CELSR1: variants seen among roughly 807,000 people sequenced by gnomAD.
The protein encoded by CELSR1 is cadherin EGF LAG seven-pass G-type receptor 1, also known as adhesion G protein-coupled receptor C1.
A neutral mutation model predicts 249.1 loss-of-function variants in CELSR1; 110 were observed. That is an observed-to-expected ratio of 0.44 (90% CI 0.38 to 0.52). The LOEUF (loss-of-function observed/expected upper bound fraction) is 0.52. CELSR1 is among the 20% of genes least tolerant of loss of function. The pLI is 0.00. For missense variants in CELSR1, 4,109 were observed against 4,296.4 expected, an observed-to-expected ratio of 0.96 and a Z score of 1.22; for synonymous variants, 2,113 against 1,900.0, an observed-to-expected ratio of 1.11 and a Z score of -2.92.
At chr22:46,505,218 C>T (rs1265441791) in intron 1 of CELSR1, among the ~76,000 whole-genome samples, 5 of 138,282 alleles carry the variant, frequency 3.6e-5, no homozygotes, top group African/African-American at 1.1e-4. Context: ...GCCGAGATGG[C>T]GCCACTGCAC....
Position 46,447,402 on chromosome 22 carries a change from C to T in CELSR1, c.4184-7991G>A, listed in dbSNP as rs1410167848. Among the ~76,000 whole-genome samples the T allele has an allele frequency of 6.6e-6, 1 of 152,106 alleles. No homozygotes were observed. The highest frequency in any genetic ancestry group is 2.4e-5 in the African/African-American group (1 of 41,404). On this transcript the variant is annotated intron_variant, in intron 2 of 34. Transcript: ENST00000674500. The surrounding 1 kb of genome is among the most constrained non-coding windows in gnomAD (Gnocchi z 4.7). The stretch of plus-strand genomic sequence containing the variant: ...CAAAATAAATTTGATGTTCTCCTTA[C>T]ACCCTAGGATTCTGCTTGGAGTCAA...
Position 46,410,565 on chromosome 22 carries a change from G to C in CELSR1, c.4770-4C>G, listed in dbSNP as rs376689778. 6.2e-6 allele frequency: 10 copies of C among 1,611,904 alleles called. No homozygotes were observed. In the African/African-American group the frequency reaches 1.2e-4, roughly 19 times the overall value. On this transcript the variant is annotated splice_region_variant and splice_polypyrimidine_tract_variant and intron_variant, in intron 6 of 34. Transcript: ENST00000674500. The surrounding 1 kb of genome is among the most constrained non-coding windows in gnomAD (Gnocchi z 6.8). ...AGGGCCGGTCAGATCCAGGGACCTG[G>C]GTAGGTAAAGCCATCTTCTGTGACG...
intron 18 of CELSR1, among the ~76,000 whole-genome samples, chr22:46,388,619 C>T (rs949763066): frequency 2.6e-5 from 4 of 152,194 alleles, no homozygotes; most frequent in Non-Finnish European, 5.9e-5. Context: ...TCTGTGTGGA[C>T]AGGCACTCCT....
rs1330642475 is a variant in CELSR1 at position 46,447,161 on chromosome 22, C to T, written c.4184-7750G>A. Among the ~76,000 whole-genome samples the T allele has an allele frequency of 1.3e-5, 2 of 152,148 alleles. No individual in the cohort carries two copies. The highest frequency in any genetic ancestry group is 6.5e-5 in the Admixed American group (1 of 15,282). ...AATTGGCGGCATTTGTAAACACTCC[C>T]ACCAAGGCTGAGTTGAAAAGAGATG... On this transcript the variant is annotated intron_variant, in intron 2 of 34. Transcript: ENST00000674500. This position sits in a 1 kb window ranked among gnomAD's most constrained non-coding sequence, Gnocchi z 4.7.
intron 20 of CELSR1, 42 bp from the exon 21 acceptor site, chr22:46,382,092 TG>T (rs1435505015): frequency 6.8e-7 from 1 of 1,461,074 alleles, no homozygotes; most frequent in African/African-American, 1.4e-5. Context: ...CAGGAGCACC[TG>T]TGTTCCCCAA....
Position 46,390,527 on chromosome 22 carries a change from C to T in CELSR1, c.6251-41G>A. On this transcript the variant is annotated intron_variant, in intron 16 of 34. Coordinates refer to ENST00000674500, the MANE Select transcript of CELSR1 (RefSeq NM_001378328.1). This position sits in a 1 kb window ranked among gnomAD's most constrained non-coding sequence, Gnocchi z 6.3. ...AGGTGTGCAAAGCCTGAAACTCAAA[C>T]TGTTGATCAATGCTTGTGTATTTCA... The T allele has an allele frequency of 1.4e-6, 2 of 1,478,146 alleles. No homozygotes were observed. Among genetic ancestry groups the T allele is most frequent in the Non-Finnish European group, 1.9e-6 (2 of 1,061,736 alleles). The allele number at this position is 1,478,146 out of a possible 1,614,324, so 91.6% of individuals were successfully genotyped here.
intron 5 of CELSR1, among the ~76,000 whole-genome samples, chr22:46,422,167 A>G (rs2147380470): frequency 6.6e-6 from 1 of 152,124 alleles, no homozygotes; most frequent in South Asian, 2.1e-4. Flanking sequence ...GTGCAGTGGC[A>G]CGGTCTTGGC....
rs1439113594 is a variant in CELSR1, at chr22:46,407,519, C to CA, written c.5226+1476_5226+1477insT. Among the ~76,000 whole-genome samples, 1 of 152,130 alleles carries CA rather than the reference C, an allele frequency of 6.6e-6. No individual in the cohort carries two copies. The highest frequency in any genetic ancestry group is 6.5e-5 in the Admixed American group (1 of 15,278). ...TGGTGGTGAGCTCCTGTAATCCCAA[C>CA]TACAATGGAGGCTGAGGCAGGAGAA... On this transcript the variant is annotated intron_variant, in intron 9 of 34. Transcript: ENST00000674500. This position sits in a 1 kb window ranked among gnomAD's most constrained non-coding sequence, Gnocchi z 4.8.
intron 1 of CELSR1, among the ~76,000 whole-genome samples, chr22:46,501,056 CAG>C (rs1410436660): frequency 6.6e-6 from 1 of 151,668 alleles, no homozygotes; most frequent in Non-Finnish European, 1.5e-5. Context: ...TTTATTGAGA[CAG>C]AGTCTTGCTC....
rs8142135 is a variant in CELSR1 at position 46,457,369 on chromosome 22, G to C, written c.4183+6338C>G. On this transcript the variant is annotated intron_variant, in intron 2 of 34. Transcript: ENST00000674500. ...GGGGGCGGGGAAAAAGATTATTCTC[G>C]CAGCCCCTGGGGTCCTAAAAGCAGG... 2.9e-3 allele frequency among the ~76,000 whole-genome samples: 440 copies of C among 152,112 alleles called. 1 individual carries two copies. Among genetic ancestry groups the C allele is most frequent in the African/African-American group, 0.01 (415 of 41,488 alleles).
Position 46,362,417 on chromosome 22 carries a change from TG to T in CELSR1, c.*805del. 1 of 152,772 alleles carries T rather than the reference TG, an allele frequency of 6.5e-6. No homozygotes were observed. The highest frequency in any genetic ancestry group is 1.5e-5 in the Non-Finnish European group (1 of 68,210). The allele number at this position is 152,772 out of a possible 1,614,324, so 9.5% of individuals were successfully genotyped here. On this transcript the variant is annotated 3_prime_UTR_variant, in exon 35 of 35. Coordinates refer to ENST00000674500, the MANE Select transcript of CELSR1 (RefSeq NM_001378328.1). ...GGACAAACGCACACACAGCGAACACTGGGGACCCAGGGGGCCGGCGGGGAGG... is the reference window on the plus strand; with the variant it reads ...GGACAAACGCACACACAGCGAACACTGGGACCCAGGGGGCCGGCGGGGAGG...
At position 46,373,007 on chromosome 22, in the gene CELSR1, G is replaced by A. The variant is rs1452596893; in HGVS notation, c.7635C>T (p.Thr2545=). 1.9e-6 allele frequency: 3 copies of A among 1,612,958 alleles called. No homozygotes were observed. Among genetic ancestry groups the A allele is most frequent in the African/African-American group, 1.3e-5 (1 of 75,050 alleles). ...AILLHYIYMS[T]FAWTLVESLH... ...GGCTCTCCACGAGGGTCCAGGCAAA[G>A]GTGCTCATGTAGATGTAGTGGAGGA... is the stretch of plus-strand genomic sequence containing the variant. Residue 2545 remains threonine, a synonymous_variant, in exon 25 of 35, where the codon ACC becomes ACT. Coordinates refer to ENST00000674500, the MANE Select transcript of CELSR1 (RefSeq NM_001378328.1).
rs181361646 is a variant in CELSR1 at position 46,411,832 on chromosome 22, C to T, written c.4612-73G>A. The T allele has an allele frequency of 3.5e-5, 55 of 1,590,148 alleles. No individual in the cohort carries two copies. The African/African-American group carries it at 6.6e-4, about 19-fold the overall frequency. Reference sequence around the variant, plus strand: ...GCCCTCAGCAGGCGCACCTGTCACTCATAGAGCGAGGAGGACATGGCACAG... The same window carrying T: ...GCCCTCAGCAGGCGCACCTGTCACTTATAGAGCGAGGAGGACATGGCACAG... On this transcript the variant is annotated intron_variant, in intron 5 of 34. Coordinates refer to ENST00000674500, the MANE Select transcript of CELSR1 (RefSeq NM_001378328.1). The surrounding 1 kb of genome is among the most constrained non-coding windows in gnomAD (Gnocchi z 4.2).
At chr22:46,478,112 T>C (rs1224009832) in intron 1 of CELSR1, among the ~76,000 whole-genome samples, 1 of 152,110 alleles carries the variant, frequency 6.6e-6, no homozygotes, top group Non-Finnish European at 1.5e-5. Context: ...GGCCTGAGAC[T>C]CTCAGCAGGT....
Position 46,380,858 on chromosome 22 carries a change from C to T in CELSR1, c.7186G>A (p.Val2396Met), listed in dbSNP as rs368838290. Residue 2396 changes from valine to methionine, a missense_variant, in exon 22 of 35, where the codon GTG (valine) becomes ATG (methionine). Transcript: ENST00000674500. This position sits in a 1 kb window ranked among gnomAD's most constrained non-coding sequence, Gnocchi z 5.1. Reference sequence around the variant, plus strand: ...TCCACCTCCAGCAGGGCGAACTCCACCAGGACGGGCCTCTCCAGGGGTCTC... The same window carrying T: ...TCCACCTCCAGCAGGGCGAACTCCATCAGGACGGGCCTCTCCAGGGGTCTC... ...LPRPLERPVL[V>M]EFALLEVEER... is the part of the protein sequence containing the mutation. 11 of 1,612,608 alleles carry T rather than the reference C, an allele frequency of 6.8e-6. No homozygotes were observed. In the African/African-American group the frequency reaches 1.3e-4, roughly 20 times the overall value.
In CELSR1 at chr22:46,448,190, G is replaced by T. The variant is rs540804993; in HGVS notation, c.4184-8779C>A. 4.7e-4 allele frequency among the ~76,000 whole-genome samples: 72 copies of T among 152,234 alleles called. No individual in the cohort carries two copies. Among genetic ancestry groups the T allele is most frequent in the Non-Finnish European group, 8.1e-4 (55 of 68,040 alleles). ...GGTGCTGGGTGTGCTCCTGGTCTGT[G>T]AACAAGGAAGGGGGTGCCCAGAGGG... On this transcript the variant is annotated intron_variant, in intron 2 of 34. Transcript: ENST00000674500. This position sits in a 1 kb window ranked among gnomAD's most constrained non-coding sequence, Gnocchi z 5.7.
At chr22:46,376,323 T>G (rs1185641649) in intron 24 of CELSR1, among the ~76,000 whole-genome samples, 2 of 152,362 alleles carry the variant, frequency 1.3e-5, no homozygotes, top group South Asian at 4.1e-4. Context: ...GTTTTTATAC[T>G]GCAATGCAAA....
chr22:46,443,008 G>A (rs1398585089), intron 2 of CELSR1, among the ~76,000 whole-genome samples: 2 of 152,094 alleles, frequency 1.3e-5, no homozygotes, highest in African/African-American at 2.4e-5. Flanking sequence ...TGAGGCAGGA[G>A]AATGGCGTGA....
chr22:46,390,471 T>C lies in CELSR1; in HGVS notation c.6266A>G (p.His2089Arg), dbSNP rs1423173056. Reference protein sequence around the residue: ...PKGSVGNAVRHCSGEKGWLPP... With the variant: ...PKGSVGNAVRRCSGEKGWLPP... ...CAGCCAGCCCTTCTCCCCGCTGCAG[T>C]GTCGGACCGCATTTCCTGGGGAAGG... The change falls in exon 17 of 35, where the codon CAC becomes CGC. Residue 2089 changes from histidine to arginine, a missense_variant. Coordinates refer to ENST00000674500, the MANE Select transcript of CELSR1 (RefSeq NM_001378328.1). The surrounding 1 kb of genome is among the most constrained non-coding windows in gnomAD (Gnocchi z 6.3). 1 of 1,613,762 alleles carries C rather than the reference T, an allele frequency of 6.2e-7. No individual in the cohort carries two copies. The highest frequency in any genetic ancestry group is 8.5e-7 in the Non-Finnish European group (1 of 1,179,870).
Sources: gnomAD v4.1 joint callset for allele counts (sites outside exome capture counted in the v4.1 genomes callset) on GRCh38, gnomAD v4.1.1 for gene constraint, Gnocchi (gnomAD v3.1) non-coding constraint, MANE v1.5 for transcripts, NCBI Gene and HGNC (gene_info 2026-07-23, HGNC 2026-07-21) for gene names.